PTPRT: variants seen among roughly 807,000 people sequenced by gnomAD.
The protein encoded by PTPRT is receptor-type tyrosine-protein phosphatase T.
PTPRT carries 56 observed loss-of-function variants against 176.8 expected under a neutral mutation model. The observed-to-expected ratio is 0.32, with a 90% CI of 0.26 to 0.40. PTPRT has a LOEUF of 0.40. Ranked by LOEUF, PTPRT falls within the 10% of genes least tolerant of loss-of-function variation. PTPRT has a pLI of 1.00. For synonymous variants in PTPRT, 783 were observed against 739.0 expected (o/e 1.06, Z -0.96); for missense variants, 1,540 against 1,908.2 (o/e 0.81, Z 3.60).
intron 6 of PTPRT, among the ~76,000 whole-genome samples, chr20:42,748,680 T>C (rs1382423595): frequency 2.0e-5 from 3 of 152,084 alleles, no homozygotes; most frequent in African/African-American, 7.2e-5. Context: ...AAATAGCTAA[T>C]AGACATGGGC....
chr20:42,173,332 G>A (rs1208747011), intron 16 of PTPRT, among the ~76,000 whole-genome samples: 1 of 152,132 alleles, frequency 6.6e-6, no homozygotes, highest in African/African-American at 2.4e-5. Flanking sequence ...TGTCATGTGT[G>A]TGGGGAGTGT....
intron 9 of PTPRT, among the ~76,000 whole-genome samples, chr20:42,381,738 G>C (rs943059007): frequency 1.3e-5 from 2 of 152,076 alleles, no homozygotes; most frequent in Non-Finnish European, 2.9e-5. Context: ...ATATGTAAAT[G>C]ACCCGATTAG....
intron 1 of PTPRT, among the ~76,000 whole-genome samples, chr20:43,083,016 T>A (rs2011481249): frequency 6.6e-6 from 1 of 151,944 alleles, no homozygotes; most frequent in Non-Finnish European, 1.5e-5. Context: ...TATAAACCCC[T>A]AATTTTAGTC....
chr20:42,472,625 G>A, intron 7 of PTPRT, 63 bp from the exon 8 acceptor site: 3 of 1,529,886 alleles, frequency 2.0e-6, no homozygotes, highest in Admixed American at 1.8e-5. Context: ...TGGGGTACAT[G>A]TTCTGCTACA....
chr20:42,656,665 C>T (rs2145986572), intron 7 of PTPRT, among the ~76,000 whole-genome samples: 1 of 152,140 alleles, frequency 6.6e-6, no homozygotes, highest in Non-Finnish European at 1.5e-5. Flanking sequence ...GAATTTATTC[C>T]AGGAAAAAAT....
intron 1 of PTPRT, among the ~76,000 whole-genome samples, chr20:43,100,462 G>A (rs1187923595): frequency 2.6e-5 from 4 of 152,134 alleles, no homozygotes; most frequent in Non-Finnish European, 4.4e-5. Flanking sequence ...TAAACTCAGG[G>A]AACAGCCAAA....
chr20:42,467,728 T>G (rs931618594), intron 8 of PTPRT, among the ~76,000 whole-genome samples: 1 of 149,066 alleles, frequency 6.7e-6, no homozygotes, highest in East Asian at 1.9e-4. Flanking sequence ...ATCATGTAGA[T>G]ATAAGATACA....
intron 1 of PTPRT, among the ~76,000 whole-genome samples, chr20:42,965,712 A>C (rs1472104749): frequency 6.6e-6 from 1 of 152,226 alleles, no homozygotes; most frequent in Non-Finnish European, 1.5e-5. Flanking sequence ...AGAGGCACAC[A>C]AAGCTCACAG....
chr20:42,966,092 T>C (rs1245249720), intron 1 of PTPRT, among the ~76,000 whole-genome samples: 1 of 151,674 alleles, frequency 6.6e-6, no homozygotes, highest in Non-Finnish European at 1.5e-5. Flanking sequence ...CCAAGAGGAG[T>C]TGGGGGAAAT....
chr20:42,876,248 A>T (rs942054413), intron 2 of PTPRT, among the ~76,000 whole-genome samples: 1 of 152,242 alleles, frequency 6.6e-6, no homozygotes, highest in African/African-American at 2.4e-5. Flanking sequence ...AAATGGGAAC[A>T]TAAGAACTTA....
intron 9 of PTPRT, among the ~76,000 whole-genome samples, chr20:42,381,679 G>A (rs2058699552): frequency 6.6e-6 from 1 of 151,992 alleles, no homozygotes; most frequent in South Asian, 2.1e-4. Flanking sequence ...AAGGAGGGAG[G>A]GAAAATGGGG....
At chr20:42,718,429 C>A (rs1274820055) in intron 6 of PTPRT, among the ~76,000 whole-genome samples, 1 of 152,032 alleles carries the variant, frequency 6.6e-6, no homozygotes, top group Non-Finnish European at 1.5e-5. Flanking sequence ...TCCAGCTACT[C>A]GGGAGGCTGA....
At position 43,151,985 on chromosome 20, in the gene PTPRT, T is replaced by C. The variant is rs1412816924; in HGVS notation, c.88+37661A>G. Among the ~76,000 whole-genome samples, 12 of 152,220 alleles carry C rather than the reference T, an allele frequency of 7.9e-5. No individual in the cohort carries two copies. In the East Asian group the frequency reaches 1.9e-3, roughly 24 times the overall value. ...GAAGCCCTCCTGATAAAGCCATCTA[T>C]ATTTTTGAGCCAGCAATAGTATAAA... On this transcript the variant is annotated intron_variant, in intron 1 of 30. Transcript: ENST00000373187.
chr20:43,121,262 T>A (rs1378809661), intron 1 of PTPRT, among the ~76,000 whole-genome samples: 1 of 152,230 alleles, frequency 6.6e-6, no homozygotes, highest in Non-Finnish European at 1.5e-5. Context: ...TACTATGGGC[T>A]TTGGGGTTGT....
In PTPRT at chr20:42,302,710, G is replaced by T. The variant is rs56131721; in HGVS notation, c.2139+13013C>A. ...AACTTATTTATCTGTATTCCCAACT[G>T]ACTCACAACAAGCCCATAATAAATA... is the stretch of plus-strand genomic sequence containing the variant. On this transcript the variant is annotated intron_variant, in intron 12 of 30. Coordinates refer to ENST00000373187, the MANE Select transcript of PTPRT (RefSeq NM_007050.6). Among the ~76,000 whole-genome samples, 1,432 of 152,262 alleles carry T rather than the reference G, an allele frequency of 9.4e-3. 30 individuals are homozygous for T. The highest frequency in any genetic ancestry group is 0.033 in the African/African-American group (1,360 of 41,550).
At chr20:43,094,623 C>T (rs1322275095) in intron 1 of PTPRT, among the ~76,000 whole-genome samples, 2 of 150,614 alleles carry the variant, frequency 1.3e-5, no homozygotes, top group Non-Finnish European at 3.0e-5. Context: ...GTCTCAAACT[C>T]CCAACCTCAA....
intron 7 of PTPRT, among the ~76,000 whole-genome samples, chr20:42,580,130 A>G (rs2073343706): frequency 6.6e-6 from 1 of 152,192 alleles, no homozygotes; most frequent in Non-Finnish European, 1.5e-5. Context: ...ATGGCTAGCC[A>G]GTTTTCCCAG....
At chr20:42,765,751 A>G (rs2076974007) in intron 5 of PTPRT, among the ~76,000 whole-genome samples, 1 of 151,876 alleles carries the variant, frequency 6.6e-6, no homozygotes, top group Non-Finnish European at 1.5e-5. Flanking sequence ...TTTTTTCATA[A>G]AGCTTAATAT....
rs114188951 is a variant in PTPRT at position 42,226,344 on chromosome 20, T to C, written c.2342+9885A>G. Among the ~76,000 whole-genome samples the C allele has an allele frequency of 7.2e-3, 1,089 of 152,260 alleles. 13 individuals carry two copies. Among genetic ancestry groups the C allele is most frequent in the African/African-American group, 0.025 (1,029 of 41,538 alleles). On this transcript the variant is annotated intron_variant, in intron 15 of 30. Coordinates refer to ENST00000373187, the MANE Select transcript of PTPRT (RefSeq NM_007050.6). The stretch of plus-strand genomic sequence containing the variant: ...TGAAGTTGAGATGGAATTAAGTGAG[T>C]TATCTAAAACTGTGGAGCCAGGAAG...
Sources: gnomAD v4.1 joint callset for allele counts (sites outside exome capture counted in the v4.1 genomes callset) on GRCh38, gnomAD v4.1.1 for gene constraint, MANE v1.5 for transcripts, NCBI Gene and HGNC (gene_info 2026-07-23, HGNC 2026-07-21) for gene names.